The following KLRG1 variants were observed in gnomAD, a reference collection of about 807,000 sequenced individuals.
The protein encoded by KLRG1 is killer cell lectin like receptor G1.
In KLRG1, 16 loss-of-function variants were observed where a neutral mutation model predicts 21.8. That is an observed-to-expected ratio of 0.73 (90% confidence interval 0.50 to 1.11). The LOEUF (loss-of-function observed/expected upper bound fraction) is 1.11, where lower values mean the gene tolerates loss of function less well. KLRG1 is among the 50% of genes most tolerant of loss of function. KLRG1 has a pLI of 0.00. For missense variants in KLRG1, 173 were observed against 218.3 expected (o/e 0.79, Z 1.31); for synonymous variants, 69 against 75.9 (o/e 0.91, Z 0.47).
chr12:8,977,980 A>T (rs1213762399), intron 1 of KLRG1, among the ~76,000 whole-genome samples: 3 of 151,602 alleles, frequency 2.0e-5, no homozygotes, highest in African/African-American at 7.3e-5. Flanking sequence ...TGCCTCAGCC[A>T]CCTGAGTAGC....
chr12:8,953,994 A>T (rs748166079), intron 1 of KLRG1, among the ~76,000 whole-genome samples: 1 of 152,226 alleles, frequency 6.6e-6, no homozygotes, highest in Non-Finnish European at 1.5e-5. Context: ...AAGTTGCGGG[A>T]GGGTGTGGGC....
At chr12:9,037,764 T>C in the KLRG1 span, among the ~76,000 whole-genome samples, 1 of 152,220 alleles carries the variant, frequency 6.6e-6, no homozygotes, top group African/African-American at 2.4e-5. Flanking sequence ...GATACACAAA[T>C]ATGTGCCATT....
the KLRG1 span, among the ~76,000 whole-genome samples, chr12:9,020,013 G>A: frequency 6.6e-6 from 1 of 151,520 alleles, no homozygotes; most frequent in Non-Finnish European, 1.5e-5. Flanking sequence ...TTTCACCTAG[G>A]TTACTGTGAC....
At chr12:9,016,013 C>T in the KLRG1 span, among the ~76,000 whole-genome samples, 1 of 152,010 alleles carries the variant, frequency 6.6e-6, no homozygotes, top group East Asian at 1.9e-4. Flanking sequence ...GAAAGCAGTA[C>T]TAACAGCAAA....
At chr12:8,969,886 C>G (rs1425592800) in intron 1 of KLRG1, among the ~76,000 whole-genome samples, 1 of 152,152 alleles carries the variant, frequency 6.6e-6, no homozygotes, top group Non-Finnish European at 1.5e-5. Flanking sequence ...GAGGCCAAGA[C>G]AGGTGGATTG....
At chr12:9,057,674 G>C in the KLRG1 span, 1 of 152,516 alleles carries the variant, frequency 6.6e-6, no homozygotes, top group Non-Finnish European at 1.5e-5. Context: ...TTTCTTATGG[G>C]GTTGTCTTGC....
At chr12:9,124,919 A>G in the KLRG1 span, among the ~76,000 whole-genome samples, 42 of 152,324 alleles carry the variant, frequency 2.8e-4, no homozygotes, top group Admixed American at 5.2e-4. Flanking sequence ...TGGCCTGCCT[A>G]TGGCTGCCCA....
At chr12:9,018,344 C>T in the KLRG1 span, among the ~76,000 whole-genome samples, 73 of 151,914 alleles carry the variant, frequency 4.8e-4, no homozygotes, top group Non-Finnish European at 8.4e-4. Context: ...AAAAACAAAA[C>T]TAGAGGAATC....
chr12:8,996,909 A>G (rs993938558), intron 3 of KLRG1, among the ~76,000 whole-genome samples: 6 of 152,234 alleles, frequency 3.9e-5, no homozygotes, highest in Admixed American at 2.0e-4. Context: ...CAAAACTGAT[A>G]AACAGGAGTC....
At chr12:9,150,881 A>G in the KLRG1 span, 1 of 648,382 alleles carries the variant, frequency 1.5e-6, no homozygotes, top group East Asian at 2.9e-5. Context: ...GGATGTCAAG[A>G]TGGGTTTTAG....
chr12:9,091,462 A>G, the KLRG1 span: 1 of 1,609,800 alleles, frequency 6.2e-7, no homozygotes, highest in Admixed American at 1.7e-5. Flanking sequence ...AACAGAAAGT[A>G]AGCAGTTAAA....
chr12:9,056,636 C>G, the KLRG1 span, among the ~76,000 whole-genome samples: 1 of 151,962 alleles, frequency 6.6e-6, no homozygotes, highest in Non-Finnish European at 1.5e-5. Flanking sequence ...GCCTCAAACT[C>G]CTGGGTTCCA....
chr12:9,048,533 C>T, the KLRG1 span, among the ~76,000 whole-genome samples: 5 of 152,186 alleles, frequency 3.3e-5, no homozygotes, highest in Admixed American at 3.3e-4. Flanking sequence ...GGGATTTATT[C>T]TAGATATGCA....
At chr12:9,052,895 C>T in the KLRG1 span, 1 of 431,136 alleles carries the variant, frequency 2.3e-6, no homozygotes, top group East Asian at 7.0e-5. Context: ...CTCAGTATTG[C>T]CTTTTAAAAA....
the KLRG1 span, chr12:9,110,096 A>G: frequency 2.6e-6 from 4 of 1,532,700 alleles, no homozygotes; most frequent in African/African-American, 1.4e-5. Context: ...CTAATAAAAG[A>G]TATCTATGGA....
intron 1 of KLRG1, among the ~76,000 whole-genome samples, chr12:8,970,770 T>C (rs1411240789): frequency 1.3e-5 from 2 of 152,198 alleles, no homozygotes; most frequent in African/African-American, 4.8e-5. Flanking sequence ...CATTATCAAA[T>C]TGAGAAAGTT....
chr12:9,091,453 A>C, the KLRG1 span: 2 of 1,612,214 alleles, frequency 1.2e-6, no homozygotes, highest in African/African-American at 2.7e-5. Context: ...TAAGTGAAGA[A>C]CAGAAAGTAA....
the KLRG1 span, chr12:9,079,401 A>G: frequency 6.9e-7 from 1 of 1,457,758 alleles, no homozygotes; most frequent in Non-Finnish European, 9.6e-7. Flanking sequence ...AATTACTAAA[A>G]GTACCTTGGC....
At chr12:9,204,455 A>G in the KLRG1 span, among the ~76,000 whole-genome samples, 81 of 152,382 alleles carry the variant, frequency 5.3e-4, no homozygotes, top group Admixed American at 1.6e-3. Flanking sequence ...TTCAGTAAGC[A>G]TATATCATTA....
Sources: gnomAD v4.1 joint callset for allele counts (sites outside exome capture counted in the v4.1 genomes callset) on GRCh38, gnomAD v4.1.1 for gene constraint, MANE v1.5 for transcripts, NCBI Gene and HGNC (gene_info 2026-07-23, HGNC 2026-07-21) for gene names.